The following NTM variants were observed in gnomAD, a reference collection of about 807,000 sequenced individuals.
NTM encodes IgLON family member 2.
A neutral mutation model predicts 42.1 loss-of-function variants in NTM; 13 were observed. The ratio of observed to expected loss-of-function variants is 0.31; its 90% CI spans 0.20 to 0.49. NTM has a LOEUF of 0.49. Ranked by LOEUF, NTM falls within the 20% of genes least tolerant of loss-of-function variation. NTM has a pLI of 0.99. For synonymous variants in NTM, 187 were observed against 179.2 expected, an observed-to-expected ratio of 1.04 and a Z score of -0.35; for missense variants, 373 against 452.8, an observed-to-expected ratio of 0.82 and a Z score of 1.60.
chr11:131,404,903 T>C (rs1399289593), intron 1 of NTM, among the ~76,000 whole-genome samples: 2 of 152,112 alleles, frequency 1.3e-5, no homozygotes, highest in East Asian at 1.9e-4. Context: ...AATGATCACA[T>C]ACACAGCAAT....
At chr11:132,305,976 T>C (rs879663587) in intron 4 of NTM, among the ~76,000 whole-genome samples, 6 of 152,236 alleles carry the variant, frequency 3.9e-5, no homozygotes, top group Non-Finnish European at 8.8e-5. Context: ...GTTCTTTTCC[T>C]CTTCTGTATG....
intron 1 of NTM, among the ~76,000 whole-genome samples, chr11:131,576,160 C>T (rs1228452108): frequency 6.6e-6 from 1 of 152,280 alleles, no homozygotes; most frequent in South Asian, 2.1e-4. Flanking sequence ...AAGGACCCAG[C>T]CCCCAGACCA....
Position 131,904,980 on chromosome 11 carries a change from C to T in NTM, c.83-6584C>T, listed in dbSNP as rs1312909187. Reference sequence around the variant, plus strand: ...TGAACTCTAAGAGCATTCCCAGGGCCTGCACTCAGCAGTCTGCTCCTGGGT... The same window carrying T: ...TGAACTCTAAGAGCATTCCCAGGGCTTGCACTCAGCAGTCTGCTCCTGGGT... On this transcript the variant is annotated intron_variant, in intron 1 of 8. Coordinates refer to ENST00000683400, the MANE Select transcript of NTM (RefSeq NM_001352005.2). Among the ~76,000 whole-genome samples the T allele has an allele frequency of 2.6e-5, 4 of 152,176 alleles. No homozygotes were observed. In the East Asian group the frequency reaches 7.7e-4, roughly 29 times the overall value.
intron 2 of NTM, among the ~76,000 whole-genome samples, chr11:131,954,279 G>C (rs1229596243): frequency 6.6e-6 from 1 of 152,188 alleles, no homozygotes; most frequent in Non-Finnish European, 1.5e-5. Context: ...GCAGAAGTCG[G>C]GGAGAGGCAG....
chr11:132,103,552 G>A (rs996798035), intron 2 of NTM, among the ~76,000 whole-genome samples: 11 of 152,162 alleles, frequency 7.2e-5, no homozygotes, highest in Non-Finnish European at 1.2e-4. Context: ...ATATTGTTAC[G>A]TTGTTGCTAA....
chr11:132,286,827 T>A (rs942293516), intron 4 of NTM, among the ~76,000 whole-genome samples: 1 of 152,172 alleles, frequency 6.6e-6, no homozygotes, highest in African/African-American at 2.4e-5. Flanking sequence ...GGGAGATGCA[T>A]CAGACTTAGG....
intron 2 of NTM, among the ~76,000 whole-genome samples, chr11:131,979,847 T>C (rs2064975834): frequency 6.6e-6 from 1 of 152,248 alleles, no homozygotes; most frequent in African/African-American, 2.4e-5. Flanking sequence ...GACATCTAAT[T>C]ACTAACTGGC....
At chr11:132,142,181 C>T (rs920502772) in intron 2 of NTM, among the ~76,000 whole-genome samples, 8 of 152,188 alleles carry the variant, frequency 5.3e-5, no homozygotes, top group Non-Finnish European at 1.0e-4. Context: ...TTTTGATCGC[C>T]CATCTCCCAC....
chr11:131,529,696 A>G (rs2050975140), intron 1 of NTM, among the ~76,000 whole-genome samples: 1 of 152,212 alleles, frequency 6.6e-6, no homozygotes, highest in Admixed American at 6.5e-5. Flanking sequence ...GGAAGTGATT[A>G]AGAGAAAAAT....
intron 1 of NTM, among the ~76,000 whole-genome samples, chr11:131,463,536 A>G (rs1040827943): frequency 1.3e-5 from 2 of 152,222 alleles, no homozygotes; most frequent in Admixed American, 6.5e-5. Flanking sequence ...TATTTAGTCA[A>G]TGACAGCTGC....
chr11:131,758,228 T>C (rs2083595832), intron 1 of NTM, among the ~76,000 whole-genome samples: 1 of 152,160 alleles, frequency 6.6e-6, no homozygotes, highest in Admixed American at 6.5e-5. Context: ...TCATTTTCTT[T>C]TTTGATCCTT....
intron 3 of NTM, among the ~76,000 whole-genome samples, chr11:132,184,024 C>T (rs1399037771): frequency 1.3e-5 from 2 of 152,102 alleles, no homozygotes; most frequent in African/African-American, 2.4e-5. Context: ...GTTAAAGCTT[C>T]TCTATGGTGC....
At chr11:132,233,482 C>T (rs192338763) in intron 4 of NTM, among the ~76,000 whole-genome samples, 10 of 152,264 alleles carry the variant, frequency 6.6e-5, no homozygotes, top group East Asian at 3.9e-4. Context: ...GGTAGGTTTA[C>T]GAATAGCTTG....
rs1312057376 is a variant in NTM at position 131,661,296 on chromosome 11, G to A, written c.83-250268G>A. ...TTGAGGTTTTGCACGCTAATGCTAT[G>A]TGTCAGCTACATTGCTGTGAGTAGG... On this transcript the variant is annotated intron_variant, in intron 1 of 8. Transcript: ENST00000683400. 4 of 262,810 alleles carry A rather than the reference G, an allele frequency of 1.5e-5. No homozygotes were observed. In the East Asian group the frequency reaches 3.3e-4, roughly 21 times the overall value. 16.3% of individuals were successfully genotyped at this position (262,810 alleles called of 1,614,324 possible).
chr11:131,441,606 T>G (rs1029831237), intron 1 of NTM, among the ~76,000 whole-genome samples: 4 of 152,216 alleles, frequency 2.6e-5, no homozygotes, highest in African/African-American at 9.6e-5. Flanking sequence ...GATTGGAGCA[T>G]GGCAGCTCCG....
At chr11:131,446,622 C>T (rs1057019423) in intron 1 of NTM, among the ~76,000 whole-genome samples, 3 of 152,212 alleles carry the variant, frequency 2.0e-5, no homozygotes, top group African/African-American at 4.8e-5. Context: ...CTGGAGTCAA[C>T]TGAAACAAGA....
intron 2 of NTM, among the ~76,000 whole-genome samples, chr11:131,989,481 G>T (rs927920436): frequency 6.6e-6 from 1 of 152,012 alleles, no homozygotes; most frequent in Admixed American, 6.6e-5. Context: ...CTTAACTCGC[G>T]GGATCAGAAA....
chr11:132,092,160 C>T (rs553715758), intron 2 of NTM, among the ~76,000 whole-genome samples: 2 of 152,308 alleles, frequency 1.3e-5, no homozygotes, highest in East Asian at 3.9e-4. Context: ...CTTTCTATTT[C>T]CCTTCAGCAA....
intron 2 of NTM, among the ~76,000 whole-genome samples, chr11:131,995,469 C>T (rs889967421): frequency 3.3e-5 from 5 of 152,030 alleles, no homozygotes; most frequent in Admixed American, 6.6e-5. Flanking sequence ...ATCATTGAGG[C>T]TTCTCAAAGG....
Sources: allele counts gnomAD v4.1 joint callset (sites outside exome capture counted in the v4.1 genomes callset), GRCh38; gene constraint gnomAD v4.1.1; transcripts MANE v1.5; gene names NCBI Gene and HGNC (gene_info 2026-07-23, HGNC 2026-07-21).